Variants in SOX6 observed in about 807,000 individuals in gnomAD.
SOX6 encodes the protein transcription factor SOX-6.
In SOX6, 11 loss-of-function variants were observed where a neutral mutation model predicts 97.8. The ratio of observed to expected loss-of-function variants is 0.11; its 90% CI spans 0.07 to 0.19. SOX6 has a LOEUF of 0.19. SOX6 is among the 10% of genes least tolerant of loss of function. The pLI, the probability that SOX6 is intolerant of heterozygous loss-of-function variation, is 1.00. For synonymous variants in SOX6, 360 were observed against 371.4 expected (o/e 0.97, Z 0.35); for missense variants, 810 against 1,039.5 (o/e 0.78, Z 3.04).
intron 6 of SOX6, among the ~76,000 whole-genome samples, chr11:16,178,194 T>C (rs1191455363): frequency 1.3e-5 from 2 of 151,994 alleles, no homozygotes; most frequent in Non-Finnish European, 2.9e-5. Flanking sequence ...CAGTCTAGCA[T>C]GACTAATGTG....
At chr11:16,368,091 T>C (rs1857403305) in intron 1 of SOX6, among the ~76,000 whole-genome samples, 1 of 152,180 alleles carries the variant, frequency 6.6e-6, no homozygotes, top group South Asian at 2.1e-4. Flanking sequence ...TATAGTCTCT[T>C]ACTTGTCTAT....
intron 1 of SOX6, among the ~76,000 whole-genome samples, chr11:16,426,126 GGCGCCT>G (rs1261203383): frequency 6.6e-6 from 1 of 150,928 alleles, no homozygotes; most frequent in Non-Finnish European, 1.5e-5. Context: ...CGTGGTGGTG[GGCGCCT>G]GTAATCCCAG....
At chr11:16,411,974 A>G (rs1209183864) in intron 1 of SOX6, among the ~76,000 whole-genome samples, 1 of 152,216 alleles carries the variant, frequency 6.6e-6, no homozygotes, top group Admixed American at 6.5e-5. Context: ...ACTCTGTCCA[A>G]TTCCTGTTGA....
At chr11:15,976,793 A>C (rs1190542106) in intron 15 of SOX6, among the ~76,000 whole-genome samples, 1 of 151,264 alleles carries the variant, frequency 6.6e-6, no homozygotes, top group East Asian at 2.0e-4. Flanking sequence ...TTCTAACCCT[A>C]ACTCCCTCCT....
chr11:16,062,647 A>G (rs754435252), intron 9 of SOX6, among the ~76,000 whole-genome samples: 3 of 151,710 alleles, frequency 2.0e-5, no homozygotes, highest in Non-Finnish European at 4.4e-5. Context: ...TTTATCCAAG[A>G]TATATAAAAG....
chr11:16,271,665 A>T (rs1375516120), intron 3 of SOX6, among the ~76,000 whole-genome samples: 2 of 151,262 alleles, frequency 1.3e-5, no homozygotes, highest in East Asian at 1.9e-4. Flanking sequence ...AAAAAGTGGG[A>T]TCTTTTGATT....
At chr11:16,513,493 C>G (rs1238893062) in intron 4 of SOX6, among the ~76,000 whole-genome samples, 2 of 152,084 alleles carry the variant, frequency 1.3e-5, no homozygotes, top group South Asian at 2.1e-4. Flanking sequence ...ATTAGCCGGG[C>G]AAAGTGGCAT....
chr11:15,983,611 A>G (rs1853738257), intron 15 of SOX6, among the ~76,000 whole-genome samples: 1 of 152,162 alleles, frequency 6.6e-6, no homozygotes, highest in African/African-American at 2.4e-5. Context: ...ACTTCAGGAA[A>G]TTAATAATCT....
At chr11:16,507,508 T>C (rs992084858) in intron 4 of SOX6, among the ~76,000 whole-genome samples, 3 of 152,180 alleles carry the variant, frequency 2.0e-5, no homozygotes, top group Non-Finnish European at 4.4e-5. Context: ...GCTATCTGAC[T>C]TCAAAATACA....
intron 4 of SOX6, among the ~76,000 whole-genome samples, chr11:16,563,801 A>G (rs1259989453): frequency 6.6e-6 from 1 of 152,214 alleles, no homozygotes; most frequent in Non-Finnish European, 1.5e-5. Flanking sequence ...AATTCATGCA[A>G]AGATACATCA....
chr11:16,083,223 CA>C (rs1216853430), intron 9 of SOX6, among the ~76,000 whole-genome samples: 2 of 152,126 alleles, frequency 1.3e-5, no homozygotes, highest in African/African-American at 2.4e-5. Flanking sequence ...GTGGGCCCTT[CA>C]GGGGCAAGAG....
chr11:16,704,621 T>C (rs1391545048), intron 3 of SOX6, among the ~76,000 whole-genome samples: 2 of 152,226 alleles, frequency 1.3e-5, no homozygotes, highest in African/African-American at 2.4e-5. Context: ...CTTAGTGAAG[T>C]TCCCTAATTA....
At chr11:16,512,970 C>T (rs1424099620) in intron 4 of SOX6, among the ~76,000 whole-genome samples, 1 of 152,112 alleles carries the variant, frequency 6.6e-6, no homozygotes, top group Non-Finnish European at 1.5e-5. Context: ...TAAGTCAGTT[C>T]CTTGAAATGT....
chr11:16,501,559 C>T (rs1249066225), intron 4 of SOX6, among the ~76,000 whole-genome samples: 2 of 151,802 alleles, frequency 1.3e-5, no homozygotes, highest in African/African-American at 2.4e-5. Context: ...GCAATCTACT[C>T]ATCTGACAAA....
intron 3 of SOX6, among the ~76,000 whole-genome samples, chr11:16,292,194 A>G (rs922210396): frequency 6.6e-6 from 1 of 152,164 alleles, no homozygotes; most frequent in African/African-American, 2.4e-5. Context: ...GGGGAAAAAC[A>G]AAGAAGAACT....
chr11:16,523,745 T>C (rs534204809), intron 4 of SOX6, among the ~76,000 whole-genome samples: 2 of 151,136 alleles, frequency 1.3e-5, no homozygotes, highest in Admixed American at 1.3e-4. Context: ...GCAAGACTAA[T>C]AAAGAAAAAA....
rs566884771 is a variant in SOX6 at position 16,393,061 on chromosome 11, A to T, written c.-4-51809T>A. Reference sequence around the variant, plus strand: ...TTTAGTCAACCATAACTGCTACAAAATTATTTTTTCTGCCTGCCCGTGACT... The same window carrying T: ...TTTAGTCAACCATAACTGCTACAAATTTATTTTTTCTGCCTGCCCGTGACT... On this transcript the variant is annotated intron_variant, in intron 1 of 15. Coordinates refer to the SOX6 transcript ENST00000396356. Among the ~76,000 whole-genome samples, 4 of 152,206 alleles carry T rather than the reference A, an allele frequency of 2.6e-5. No homozygotes were observed. In the South Asian group the frequency reaches 8.3e-4, roughly 32 times the overall value.
chr11:16,385,145 A>G (rs1374967294), intron 1 of SOX6, among the ~76,000 whole-genome samples: 1 of 152,130 alleles, frequency 6.6e-6, no homozygotes, highest in Non-Finnish European at 1.5e-5. Flanking sequence ...TTTGAGATGA[A>G]CTAAATGAAA....
chr11:16,168,950 C>G (rs1850959873), intron 6 of SOX6, among the ~76,000 whole-genome samples: 1 of 152,128 alleles, frequency 6.6e-6, no homozygotes, highest in Admixed American at 6.6e-5. Context: ...CCACACACAG[C>G]TACCATGTAC....
Sources: allele counts gnomAD v4.1 joint callset (sites outside exome capture counted in the v4.1 genomes callset), GRCh38; gene constraint gnomAD v4.1.1; transcripts MANE v1.5; gene names NCBI Gene and HGNC (gene_info 2026-07-23, HGNC 2026-07-21).